The following GPHN variants were observed in gnomAD, a reference collection of about 807,000 sequenced individuals.
GPHN encodes gephyrin.
Under a neutral mutation model 95.5 loss-of-function variants are expected in GPHN, and 17 were observed. The ratio of observed to expected loss-of-function variants is 0.18; its 90% CI spans 0.12 to 0.27. GPHN has a LOEUF of 0.27. Among genes scored for constraint, GPHN ranks in the 10% least tolerant of loss-of-function variants. The probability of loss-of-function intolerance (pLI) is 1.00; values close to 1 mark genes in which losing one functional copy is unlikely to be tolerated. For missense variants in GPHN, 660 were observed against 978.1 expected, an observed-to-expected ratio of 0.67 and a Z score of 4.34; for synonymous variants, 320 against 322.5, an observed-to-expected ratio of 0.99 and a Z score of 0.08.
Position 67,105,564 on chromosome 14 carries a change from C to A in GPHN, c.1294-4576C>A, listed in dbSNP as rs531719186. Among the ~76,000 whole-genome samples, 3 of 152,168 alleles carry A rather than the reference C, an allele frequency of 2.0e-5. No homozygotes were observed. The South Asian group carries it at 6.2e-4, about 32-fold the overall frequency. ...TATTGTATCCTTGTGATAAATTGAT[C>A]CCTTTATAATTATAGAATGACCTCT... On this transcript the variant is annotated intron_variant, in intron 13 of 22. Coordinates refer to ENST00000478722, the MANE Select transcript of GPHN (RefSeq NM_020806.5).
chr14:67,599,187 T>C, the GPHN span, among the ~76,000 whole-genome samples: 1 of 152,236 alleles, frequency 6.6e-6, no homozygotes, highest in Non-Finnish European at 1.5e-5. Flanking sequence ...CTGCTGTACT[T>C]AGCTCTGATT....
chr14:67,311,878 T>A, the GPHN span: 4 of 152,540 alleles, frequency 2.6e-5, no homozygotes, highest in Admixed American at 6.5e-5. Context: ...GATAGTGTGC[T>A]TGTTTCATGA....
intron 1 of GPHN, among the ~76,000 whole-genome samples, chr14:66,591,879 G>A (rs958777460): frequency 6.6e-6 from 1 of 152,164 alleles, no homozygotes; most frequent in Non-Finnish European, 1.5e-5. Flanking sequence ...CAAAGCTGGA[G>A]GCATCATGCT....
chr14:67,184,066 C>A (rs988607262), downstream of GPHN, among the ~76,000 whole-genome samples: 2 of 152,016 alleles, frequency 1.3e-5, no homozygotes, highest in Non-Finnish European at 2.9e-5. Context: ...CTCAAGTGAT[C>A]CGCCCATCTC....
At chr14:66,890,983 G>A (rs1054711551) in intron 5 of GPHN, among the ~76,000 whole-genome samples, 12 of 152,064 alleles carry the variant, frequency 7.9e-5, no homozygotes, top group Non-Finnish European at 1.5e-4. Flanking sequence ...CATATTCAGC[G>A]GTGAAAGACT....
At chr14:67,344,826 A>C in the GPHN span, among the ~76,000 whole-genome samples, 2 of 151,708 alleles carry the variant, frequency 1.3e-5, no homozygotes, top group Non-Finnish European at 2.9e-5. Flanking sequence ...GGCTGCAGTT[A>C]GCCAAGATCG....
intron 1 of GPHN, among the ~76,000 whole-genome samples, chr14:66,642,880 T>G (rs1303446272): frequency 1.3e-5 from 2 of 152,034 alleles, no homozygotes; most frequent in Non-Finnish European, 2.9e-5. Context: ...ATTTAAAAAA[T>G]AAAGCTTTTA....
the GPHN span, among the ~76,000 whole-genome samples, chr14:67,612,912 G>A: frequency 3.3e-5 from 5 of 151,620 alleles, no homozygotes; most frequent in South Asian, 4.2e-4. Flanking sequence ...ACCACTGCAC[G>A]CCTGGGCGAC....
intron 4 of GPHN, among the ~76,000 whole-genome samples, chr14:66,836,649 A>T (rs1198124735): frequency 2.8e-5 from 4 of 143,688 alleles, no homozygotes; most frequent in Non-Finnish European, 1.5e-5. Flanking sequence ...CATCAGAGTG[A>T]ACAGGCAACC....
At chr14:67,063,165 C>T (rs896263229) in intron 11 of GPHN, among the ~76,000 whole-genome samples, 1 of 152,160 alleles carries the variant, frequency 6.6e-6, no homozygotes, top group Non-Finnish European at 1.5e-5. Flanking sequence ...AGCCAGTTTT[C>T]CCAGCACCAT....
At chr14:66,545,987 G>T (rs191685590) in intron 1 of GPHN, among the ~76,000 whole-genome samples, 339 of 151,028 alleles carry the variant, frequency 2.2e-3, no homozygotes, top group African/African-American at 7.7e-3. Flanking sequence ...GGCGGCTTCG[G>T]GGGGGAGGGG....
the GPHN span, among the ~76,000 whole-genome samples, chr14:67,192,988 C>A: frequency 1.4e-5 from 2 of 144,520 alleles, no homozygotes; most frequent in Admixed American, 7.0e-5. Flanking sequence ...ATAGATCTCT[C>A]TATATATCTC....
the GPHN span, among the ~76,000 whole-genome samples, chr14:67,390,342 C>T: frequency 6.6e-6 from 1 of 152,146 alleles, no homozygotes; most frequent in Non-Finnish European, 1.5e-5. Flanking sequence ...GTAGGAGTCT[C>T]TGTCAGCCTA....
the GPHN span, among the ~76,000 whole-genome samples, chr14:67,215,782 T>C: frequency 1.3e-5 from 2 of 152,164 alleles, no homozygotes; most frequent in East Asian, 3.8e-4. Context: ...CTGGTCACTC[T>C]GATGTCTTCC....
At chr14:67,303,428 T>C in the GPHN span, 1 of 976,692 alleles carries the variant, frequency 1.0e-6, no homozygotes, top group Non-Finnish European at 1.6e-6. Flanking sequence ...GGAGGGGTTC[T>C]GAAATAGTCC....
At chr14:67,528,652 C>T in the GPHN span, among the ~76,000 whole-genome samples, 1 of 152,222 alleles carries the variant, frequency 6.6e-6, no homozygotes, top group Non-Finnish European at 1.5e-5. Context: ...CTCTTTCTCC[C>T]TCCCTCTCCT....
At chr14:67,437,122 A>T in the GPHN span, among the ~76,000 whole-genome samples, 1 of 152,204 alleles carries the variant, frequency 6.6e-6, no homozygotes, top group Non-Finnish European at 1.5e-5. Flanking sequence ...GTTGTGACTT[A>T]TATAATAGAC....
At chr14:66,776,441 A>C in intron 2 of GPHN, 23 bp from the exon 3 acceptor site, 1 of 1,396,886 alleles carries the variant, frequency 7.2e-7, no homozygotes, top group Non-Finnish European at 1.0e-6. Context: ...GGTTTTGAGA[A>C]TATTTTCTTC....
In GPHN at chr14:66,824,457, C is replaced by T; in HGVS notation, c.202-17C>T. 2.9e-6 allele frequency: 4 copies of T among 1,374,826 alleles called. No homozygotes were observed. Among genetic ancestry groups the T allele is most frequent in the Non-Finnish European group, 4.1e-6 (4 of 964,516 alleles). 85.2% of individuals were successfully genotyped at this position (1,374,826 alleles called of 1,614,324 possible). On this transcript the variant is annotated splice_polypyrimidine_tract_variant and intron_variant, in intron 3 of 22. Coordinates refer to ENST00000478722, the MANE Select transcript of GPHN (RefSeq NM_020806.5). ...GCAAATTTTTCTGCACATGACTATA[C>T]TATTGTTTTCTTTCAGGAAACCCTG... is the stretch of plus-strand genomic sequence containing the variant.
Sources: allele counts gnomAD v4.1 joint callset (sites outside exome capture counted in the v4.1 genomes callset), GRCh38; gene constraint gnomAD v4.1.1; transcripts MANE v1.5; gene names NCBI Gene and HGNC (gene_info 2026-07-23, HGNC 2026-07-21).